DAB1: variants seen among roughly 807,000 people sequenced by gnomAD.
DAB1 encodes the protein disabled homolog 1.
Under a neutral mutation model 64.6 loss-of-function variants are expected in DAB1, and 15 were observed. The observed-to-expected ratio is 0.23, with a 90% CI of 0.16 to 0.36. DAB1 has a LOEUF of 0.36. DAB1 is among the 10% of genes least tolerant of loss of function. The pLI, the probability that DAB1 is intolerant of heterozygous loss-of-function variation, is 1.00. For missense variants in DAB1, 596 were observed against 706.7 expected, an observed-to-expected ratio of 0.84 and a Z score of 1.78; for synonymous variants, 235 against 251.9, an observed-to-expected ratio of 0.93 and a Z score of 0.64.
chr1:58,293,465 G>T (rs965246227), intron 4 of DAB1, among the ~76,000 whole-genome samples: 14 of 152,158 alleles, frequency 9.2e-5, no homozygotes, highest in African/African-American at 3.4e-4. Flanking sequence ...AGCCCCAGGG[G>T]AGATGGCAGC....
At chr1:57,595,435 G>A (rs774127956) in intron 7 of DAB1, among the ~76,000 whole-genome samples, 6 of 152,126 alleles carry the variant, frequency 3.9e-5, no homozygotes, top group Non-Finnish European at 8.8e-5. Flanking sequence ...GTGAGCACCT[G>A]CTATGTGGTA....
intron 1 of DAB1, among the ~76,000 whole-genome samples, chr1:57,330,702 G>A (rs189918721): frequency 1.4e-4 from 22 of 152,146 alleles, no homozygotes; most frequent in Admixed American, 1.0e-3. Flanking sequence ...TTGTGTCCCC[G>A]GTGCCCCACG....
intron 6 of DAB1, among the ~76,000 whole-genome samples, chr1:57,775,945 T>A (rs570586202): frequency 1.3e-5 from 2 of 151,882 alleles, no homozygotes; most frequent in East Asian, 3.9e-4. Context: ...TATGTTTTTA[T>A]AATTATGAAA....
At chr1:58,056,600 C>T (rs1413417926) in intron 5 of DAB1, 5 of 682,600 alleles carry the variant, frequency 7.3e-6, no homozygotes, top group African/African-American at 3.5e-5. Context: ...CTCATCAATG[C>T]CCCAGTGCAA....
At chr1:58,511,797 G>C (rs964541298) in intron 2 of DAB1, among the ~76,000 whole-genome samples, 7 of 152,084 alleles carry the variant, frequency 4.6e-5, no homozygotes, top group African/African-American at 1.7e-4. Context: ...TTAAACGTAA[G>C]ACCTAAAACT....
chr1:58,425,108 T>C (rs1328660034), intron 3 of DAB1, among the ~76,000 whole-genome samples: 1 of 152,254 alleles, frequency 6.6e-6, no homozygotes, highest in Admixed American at 6.5e-5. Flanking sequence ...GAAGCTGATA[T>C]CTTTGTCTGA....
At chr1:57,269,940 G>A (rs188905558) in intron 2 of DAB1, among the ~76,000 whole-genome samples, 377 of 152,290 alleles carry the variant, frequency 2.5e-3, no homozygotes, top group Non-Finnish European at 3.7e-3. Context: ...ATTTGGTCAC[G>A]AGAATTACAA....
chr1:57,692,456 G>C (rs1483103348), intron 6 of DAB1, among the ~76,000 whole-genome samples: 1 of 152,044 alleles, frequency 6.6e-6, no homozygotes, highest in Non-Finnish European at 1.5e-5. Context: ...ACGAGGAAGA[G>C]ATGGACAAAG....
intron 4 of DAB1, among the ~76,000 whole-genome samples, chr1:58,183,689 A>T (rs988357240): frequency 6.6e-6 from 1 of 151,730 alleles, no homozygotes; most frequent in East Asian, 1.9e-4. Flanking sequence ...ATTTTAGATG[A>T]CGTATTATAG....
intron 3 of DAB1, among the ~76,000 whole-genome samples, chr1:58,432,766 G>A (rs887316190): frequency 6.6e-6 from 1 of 152,184 alleles, no homozygotes; most frequent in Non-Finnish European, 1.5e-5. Flanking sequence ...CCTGGAGGTA[G>A]GAGGAGTCTG....
At chr1:57,938,285 A>G (rs1443200100) in intron 5 of DAB1, among the ~76,000 whole-genome samples, 1 of 152,210 alleles carries the variant, frequency 6.6e-6, no homozygotes, top group African/African-American at 2.4e-5. Flanking sequence ...TGCAGTTGCT[A>G]CTAGGACTAA....
intron 2 of DAB1, among the ~76,000 whole-genome samples, chr1:58,514,102 G>A (rs1156684537): frequency 2.0e-5 from 3 of 152,190 alleles, no homozygotes; most frequent in Admixed American, 6.5e-5. Context: ...TTCCCCTGGT[G>A]AGCAACTGGA....
At chr1:58,196,160 G>T (rs189109023) in intron 4 of DAB1, among the ~76,000 whole-genome samples, 25 of 152,270 alleles carry the variant, frequency 1.6e-4, no homozygotes, top group African/African-American at 5.5e-4. Context: ...TCAACCAGCA[G>T]ATGGAAATGC....
intron 3 of DAB1, among the ~76,000 whole-genome samples, chr1:58,355,895 TAGAC>T (rs1644106465): frequency 6.6e-6 from 1 of 152,196 alleles, no homozygotes; most frequent in Non-Finnish European, 1.5e-5. Context: ...GCTGTATTAA[TAGAC>T]AGCACACCTG....
rs1005048172 is a variant in DAB1 at position 57,603,525 on chromosome 1, G to A, written n.625+46067C>T. On this transcript the variant is annotated intron_variant and non_coding_transcript_variant, in intron 7 of 20. Coordinates refer to the DAB1 transcript ENST00000485760. ...TTCCTGTTTGATAAATCAATTGAGCGGGGACCACATCAGGCATTAAGGTGT... is the reference window on the plus strand; with the variant it reads ...TTCCTGTTTGATAAATCAATTGAGCAGGGACCACATCAGGCATTAAGGTGT... Among the ~76,000 whole-genome samples, 6 of 152,196 alleles carry A rather than the reference G, an allele frequency of 3.9e-5. No individual in the cohort carries two copies. The East Asian group carries it at 7.7e-4, about 20-fold the overall frequency.
rs562639684 is a variant in DAB1, at chr1:57,966,366, G to A, written n.388-82204C>T. ...ACTAGGACCTAAAAGGAGGAATGTTGCCCCCTCATCATTATGTAAAGAAGC... is the reference window on the plus strand; with the variant it reads ...ACTAGGACCTAAAAGGAGGAATGTTACCCCCTCATCATTATGTAAAGAAGC... On this transcript the variant is annotated intron_variant and non_coding_transcript_variant, in intron 5 of 20. Transcript: ENST00000485760. 2.0e-5 allele frequency among the ~76,000 whole-genome samples: 3 copies of A among 152,160 alleles called. No homozygotes were observed. In the East Asian group the frequency reaches 5.8e-4, roughly 29 times the overall value.
intron 4 of DAB1, among the ~76,000 whole-genome samples, chr1:57,128,364 G>A (rs1657346770): frequency 6.6e-6 from 1 of 151,862 alleles, no homozygotes; most frequent in South Asian, 2.1e-4. Context: ...GACCCATCGT[G>A]GGATCACAAT....
At chr1:57,883,007 G>A (rs558720454) in intron 1 of DAB1, among the ~76,000 whole-genome samples, 45 of 152,152 alleles carry the variant, frequency 3.0e-4, no homozygotes, top group Non-Finnish European at 5.7e-4. Context: ...AGAGATTAAG[G>A]AAGGATGTAC....
chr1:58,494,902 A>G (rs1168575226), intron 3 of DAB1, among the ~76,000 whole-genome samples: 1 of 152,228 alleles, frequency 6.6e-6, no homozygotes, highest in Non-Finnish European at 1.5e-5. Context: ...CATTTGACCC[A>G]GCCATCGCAT....
Sources: allele counts gnomAD v4.1 joint callset (sites outside exome capture counted in the v4.1 genomes callset), GRCh38; gene constraint gnomAD v4.1.1; transcripts MANE v1.5; gene names NCBI Gene and HGNC (gene_info 2026-07-23, HGNC 2026-07-21).